Variants in KCNIP4 observed in about 807,000 individuals in gnomAD.
The protein encoded by KCNIP4 is potassium voltage-gated channel interacting protein 4, also known as Kv channel-interacting protein 4.
A neutral mutation model predicts 34.0 loss-of-function variants in KCNIP4; 12 were observed. The observed-to-expected ratio is 0.35, with a 90% confidence interval of 0.23 to 0.57. The LOEUF (loss-of-function observed/expected upper bound fraction) is 0.57. KCNIP4 is among the 20% of genes least tolerant of loss of function. KCNIP4 has a pLI of 0.83. For synonymous variants in KCNIP4, 124 were observed against 102.2 expected (o/e 1.21, Z -1.29); for missense variants, 238 against 311.7 (o/e 0.76, Z 1.78).
chr4:21,342,813 C>G (rs1442470147), intron 1 of KCNIP4, among the ~76,000 whole-genome samples: 6 of 152,016 alleles, frequency 3.9e-5, no homozygotes, highest in South Asian at 2.1e-4. Flanking sequence ...GTGAAATGTC[C>G]TTTTCCTGAT....
intron 1 of KCNIP4, among the ~76,000 whole-genome samples, chr4:21,510,631 T>G (rs1267623979): frequency 6.6e-6 from 1 of 152,170 alleles, no homozygotes; most frequent in Non-Finnish European, 1.5e-5. Context: ...AACAAGTTGA[T>G]GATACTCTCT....
chr4:21,435,246 C>T lies in KCNIP4; in HGVS notation c.61+513325G>A, dbSNP rs368259339. ...AAGACATGATAGAGACATGCGGACA[C>T]GTGAATATATGTTTGAGGGGGTATA... On this transcript the variant is annotated intron_variant, in intron 1 of 8. Transcript: ENST00000382152. 2.6e-5 allele frequency among the ~76,000 whole-genome samples: 4 copies of T among 152,158 alleles called. No individual in the cohort carries two copies. The South Asian group carries it at 6.2e-4, about 24-fold the overall frequency.
intron 1 of KCNIP4, among the ~76,000 whole-genome samples, chr4:21,816,892 G>GC (rs1202976611): frequency 2.0e-5 from 3 of 152,148 alleles, no homozygotes; most frequent in African/African-American, 7.2e-5. Flanking sequence ...TGACCTCACT[G>GC]CCCTTAGTTT....
Position 21,850,258 on chromosome 4 carries a change from A to C in KCNIP4, c.61+98313T>G, listed in dbSNP as rs192085703. The C allele has an allele frequency of 1.2e-4, 19 of 152,288 alleles. No individual in the cohort carries two copies. The East Asian group carries it at 3.5e-3, about 28-fold the overall frequency. The allele number at this position is 152,288 out of a possible 1,614,324, so 9.4% of individuals were successfully genotyped here. ...CAGGGTCCTCATACTTCAGCAACTGAGAGACACTAATGAAAAATGTATGTT... is the reference window on the plus strand; with the variant it reads ...CAGGGTCCTCATACTTCAGCAACTGCGAGACACTAATGAAAAATGTATGTT... On this transcript the variant is annotated intron_variant, in intron 1 of 8. Coordinates refer to ENST00000382152, the MANE Select transcript of KCNIP4 (RefSeq NM_025221.6).
intron 1 of KCNIP4, among the ~76,000 whole-genome samples, chr4:21,292,596 C>A (rs1362291712): frequency 6.6e-6 from 1 of 152,084 alleles, no homozygotes; most frequent in Admixed American, 6.6e-5. Flanking sequence ...CACATTTGCT[C>A]GGTAAATTCA....
intron 1 of KCNIP4, among the ~76,000 whole-genome samples, chr4:20,968,096 C>T (rs1577454800): frequency 6.6e-6 from 1 of 152,050 alleles, no homozygotes; most frequent in East Asian, 1.9e-4. Context: ...AAAAAACAAC[C>T]CCATCAAAAA....
chr4:21,912,827 C>T (rs932813301), intron 1 of KCNIP4, among the ~76,000 whole-genome samples: 3 of 149,396 alleles, frequency 2.0e-5, no homozygotes, highest in Non-Finnish European at 3.0e-5. Context: ...ATATATATAA[C>T]ATAATATAAT....
chr4:20,920,141 G>T (rs996096849), intron 1 of KCNIP4, among the ~76,000 whole-genome samples: 3 of 151,960 alleles, frequency 2.0e-5, no homozygotes, highest in Non-Finnish European at 4.4e-5. Flanking sequence ...CAAATTATAT[G>T]CAATTAGACG....
intron 1 of KCNIP4, among the ~76,000 whole-genome samples, chr4:21,878,233 G>A (rs77414523): frequency 5.9e-5 from 9 of 151,954 alleles, no homozygotes; most frequent in Admixed American, 3.3e-4. Context: ...ACACCACCAC[G>A]CACAGCTAAT....
At chr4:21,832,865 T>C (rs1339509312) in intron 1 of KCNIP4, among the ~76,000 whole-genome samples, 1 of 151,284 alleles carries the variant, frequency 6.6e-6, no homozygotes, top group African/African-American at 2.4e-5. Flanking sequence ...CTTGCGATAC[T>C]TTACTGAGAA....
At chr4:21,558,834 C>A (rs1739287495) in intron 1 of KCNIP4, among the ~76,000 whole-genome samples, 1 of 152,126 alleles carries the variant, frequency 6.6e-6, no homozygotes, top group South Asian at 2.1e-4. Flanking sequence ...CTTTATTGAT[C>A]AAAAAGAGGC....
intron 1 of KCNIP4, among the ~76,000 whole-genome samples, chr4:21,031,284 A>G (rs1035219531): frequency 2.6e-5 from 4 of 152,216 alleles, no homozygotes; most frequent in African/African-American, 7.2e-5. Flanking sequence ...TTTGAGATCC[A>G]TTGAATCCTC....
intron 1 of KCNIP4, among the ~76,000 whole-genome samples, chr4:21,103,273 T>C (rs1286387294): frequency 6.8e-6 from 1 of 147,992 alleles, no homozygotes; most frequent in East Asian, 1.9e-4. Context: ...AGTAGGTTTT[T>C]CATGATAATT....
chr4:21,928,194 G>A (rs921029659), intron 1 of KCNIP4, among the ~76,000 whole-genome samples: 2 of 151,108 alleles, frequency 1.3e-5, no homozygotes, highest in Non-Finnish European at 2.9e-5. Flanking sequence ...ATAAACCCCT[G>A]GTTTGGATCA....
chr4:21,095,913 A>G (rs1333214941), intron 1 of KCNIP4, among the ~76,000 whole-genome samples: 1 of 152,176 alleles, frequency 6.6e-6, no homozygotes, highest in Non-Finnish European at 1.5e-5. Flanking sequence ...GCTGAAACCA[A>G]AATCCCCAGG....
rs1725391953 is a variant in KCNIP4 at position 21,420,808 on chromosome 4, AG to A, written c.61+527762del. 2.0e-5 allele frequency among the ~76,000 whole-genome samples: 3 copies of A among 152,218 alleles called. No individual in the cohort carries two copies. The South Asian group carries it at 6.2e-4, about 31-fold the overall frequency. On this transcript the variant is annotated intron_variant, in intron 1 of 8. Transcript: ENST00000382152. The stretch of plus-strand genomic sequence containing the variant: ...TAAATAAGATTAATTTAAACCAAAA[AG>A]CTTCTGTACAGGAAAGGAAACAATC...
At chr4:21,494,238 G>A (rs9994969) in intron 1 of KCNIP4, among the ~76,000 whole-genome samples, 5,741 of 152,186 alleles carry the variant, frequency 0.038, 324 homozygotes, top group African/African-American at 0.12. Flanking sequence ...CATTTAATCA[G>A]CATGAGTGTT....
At chr4:21,371,111 G>A (rs79023858) in intron 1 of KCNIP4, among the ~76,000 whole-genome samples, 3,754 of 142,796 alleles carry the variant, frequency 0.026, 320 homozygotes, top group East Asian at 0.22. Flanking sequence ...AATTAGAGGT[G>A]TATAGGAACC....
At chr4:21,526,478 T>C (rs1262280105) in intron 1 of KCNIP4, among the ~76,000 whole-genome samples, 1 of 152,150 alleles carries the variant, frequency 6.6e-6, no homozygotes, top group Non-Finnish European at 1.5e-5. Flanking sequence ...CAGACTAATA[T>C]AGCATTTAAT....
Sources: allele counts gnomAD v4.1 joint callset (sites outside exome capture counted in the v4.1 genomes callset), GRCh38; gene constraint gnomAD v4.1.1; transcripts MANE v1.5; gene names NCBI Gene and HGNC (gene_info 2026-07-23, HGNC 2026-07-21).